ARHGAP15: variants seen among roughly 807,000 people sequenced by gnomAD.
ARHGAP15 encodes the protein Rho GTPase activating protein 15, also known as rho GTPase-activating protein 15.
Under a neutral mutation model 63.7 loss-of-function variants are expected in ARHGAP15, and 51 were observed. That is an observed-to-expected ratio of 0.80 (90% CI 0.64 to 1.01). The LOEUF (loss-of-function observed/expected upper bound fraction) is 1.01. ARHGAP15 is among the 50% of genes least tolerant of loss of function. The pLI, the probability that ARHGAP15 is intolerant of heterozygous loss-of-function variation, is 0.00. For missense variants in ARHGAP15, 560 were observed against 564.6 expected (o/e 0.99, Z 0.08); for synonymous variants, 191 against 193.8 (o/e 0.99, Z 0.12).
chr2:143,269,581 CA>C (rs1267634428), intron 6 of ARHGAP15, among the ~76,000 whole-genome samples: 25 of 152,114 alleles, frequency 1.6e-4, no homozygotes, highest in Non-Finnish European at 2.9e-5. Flanking sequence ...AGATGAAGCA[CA>C]AAATAATCCT....
At chr2:143,291,105 T>C (rs1050601277) in intron 6 of ARHGAP15, among the ~76,000 whole-genome samples, 1 of 152,116 alleles carries the variant, frequency 6.6e-6, no homozygotes, top group Admixed American at 6.6e-5. Context: ...AGAGAATTAT[T>C]GAGAGCAACA....
intron 12 of ARHGAP15, among the ~76,000 whole-genome samples, chr2:143,682,107 CT>C (rs1336442537): frequency 6.6e-6 from 1 of 152,144 alleles, no homozygotes; most frequent in Non-Finnish European, 1.5e-5. Flanking sequence ...GTAAGTTTGG[CT>C]AATTGTCATT....
At chr2:143,470,492 T>A (rs1480757315) in intron 8 of ARHGAP15, among the ~76,000 whole-genome samples, 1 of 150,864 alleles carries the variant, frequency 6.6e-6, no homozygotes, top group Admixed American at 6.6e-5. Flanking sequence ...AGTTTTCATT[T>A]TTCTAAAAAA....
chr2:143,271,171 GC>G (rs1339996926), intron 6 of ARHGAP15, among the ~76,000 whole-genome samples: 1 of 152,056 alleles, frequency 6.6e-6, no homozygotes, highest in African/African-American at 2.4e-5. Flanking sequence ...TTTTAATTCT[GC>G]TACTGTATGT....
chr2:143,496,349 A>G (rs1692815550), intron 9 of ARHGAP15, among the ~76,000 whole-genome samples: 1 of 152,226 alleles, frequency 6.6e-6, no homozygotes, highest in South Asian at 2.1e-4. Flanking sequence ...GTCTTGTGAG[A>G]TATTAAAAGC....
At chr2:143,205,090 C>T (rs1435294318) in intron 3 of ARHGAP15, among the ~76,000 whole-genome samples, 1 of 151,562 alleles carries the variant, frequency 6.6e-6, no homozygotes, top group African/African-American at 2.4e-5. Context: ...GGTAAAACCC[C>T]ATCTTTACTA....
chr2:143,700,526 G>A (rs1340563002), intron 12 of ARHGAP15, among the ~76,000 whole-genome samples: 4 of 152,082 alleles, frequency 2.6e-5, no homozygotes, highest in Admixed American at 6.5e-5. Flanking sequence ...AGTGAAATTA[G>A]AAAGGTCTCT....
intron 2 of ARHGAP15, among the ~76,000 whole-genome samples, chr2:143,182,290 G>T (rs908882628): frequency 3.3e-5 from 5 of 152,100 alleles, no homozygotes; most frequent in African/African-American, 9.7e-5. Flanking sequence ...GGCCATTGTA[G>T]GGTTATTCAT....
intron 1 of ARHGAP15, among the ~76,000 whole-genome samples, chr2:143,139,494 T>G (rs1423128107): frequency 6.6e-6 from 1 of 152,148 alleles, no homozygotes; most frequent in Non-Finnish European, 1.5e-5. Flanking sequence ...TAAATGTATT[T>G]TAAGGCTTTA....
chr2:143,730,648 A>G (rs764761951), intron 13 of ARHGAP15, among the ~76,000 whole-genome samples: 2 of 151,866 alleles, frequency 1.3e-5, no homozygotes, highest in Non-Finnish European at 2.9e-5. Flanking sequence ...CTGCCCTAAA[A>G]TTTTCTCATT....
At chr2:143,542,719 ATAAT>A (rs1018024993) in intron 10 of ARHGAP15, among the ~76,000 whole-genome samples, 1 of 125,496 alleles carries the variant, frequency 8.0e-6, no homozygotes, top group African/African-American at 3.0e-5. Context: ...TATGATATAT[ATAAT>A]ATCACATATA....
At chr2:143,738,108 T>TTTTTTTTTTTTTTTTTTTTTG (rs1553535485) in intron 13 of ARHGAP15, among the ~76,000 whole-genome samples, 1 of 151,486 alleles carries the variant, frequency 6.6e-6, no homozygotes, top group Admixed American at 6.6e-5. Context: ...ATATATTTTT[T>TTTTTTTTTTTTTTTTTTTTTG]AACTTGGGCT....
chr2:143,422,962 C>T lies in ARHGAP15; in HGVS notation c.475-12639C>T, dbSNP rs180883998. Among the ~76,000 whole-genome samples, 22 of 152,226 alleles carry T rather than the reference C, an allele frequency of 1.4e-4. No individual in the cohort carries two copies. The East Asian group carries it at 3.3e-3, about 23-fold the overall frequency. ...TCTCAACTCTCAAGGCCTGAGATCA[C>T]GTCAAGTCACTTTGGGTTATAGCAA... On this transcript the variant is annotated intron_variant, in intron 6 of 13. Transcript: ENST00000295095.
At chr2:143,709,732 G>A (rs1684491939) in intron 13 of ARHGAP15, among the ~76,000 whole-genome samples, 1 of 152,048 alleles carries the variant, frequency 6.6e-6, no homozygotes, top group Non-Finnish European at 1.5e-5. Flanking sequence ...AAGCATGTCA[G>A]AGGCAACTTA....
chr2:143,397,151 C>T (rs534812939), intron 6 of ARHGAP15, among the ~76,000 whole-genome samples: 273 of 152,158 alleles, frequency 1.8e-3, no homozygotes, highest in African/African-American at 6.3e-3. Context: ...AGATTCATGG[C>T]AAGAGAATAC....
At chr2:143,308,935 CAAA>C (rs35757623) in intron 6 of ARHGAP15, among the ~76,000 whole-genome samples, 39,484 of 107,004 alleles carry the variant, frequency 0.37, 5,293 homozygotes, top group African/African-American at 0.51. Context: ...TCCTGGCAGC[CAAA>C]AAAAAAAAAA....
chr2:143,165,009 A>G (rs771480856), intron 2 of ARHGAP15, among the ~76,000 whole-genome samples: 5 of 152,090 alleles, frequency 3.3e-5, no homozygotes, highest in Admixed American at 6.6e-5. Flanking sequence ...TGAAAATCAA[A>G]CGGAAATAAA....
intron 9 of ARHGAP15, among the ~76,000 whole-genome samples, chr2:143,505,223 C>A (rs1243606473): frequency 6.6e-6 from 1 of 152,164 alleles, no homozygotes; most frequent in African/African-American, 2.4e-5. Flanking sequence ...TCTGCCAATA[C>A]AGTAGGCAGA....
chr2:143,166,719 G>T (rs1320497257), intron 2 of ARHGAP15, among the ~76,000 whole-genome samples: 1 of 152,084 alleles, frequency 6.6e-6, no homozygotes, highest in South Asian at 2.1e-4. Context: ...TCTGTGTGTT[G>T]TATATCTCAA....
Sources: gnomAD v4.1 joint callset for allele counts (sites outside exome capture counted in the v4.1 genomes callset) on GRCh38, gnomAD v4.1.1 for gene constraint, MANE v1.5 for transcripts, NCBI Gene and HGNC (gene_info 2026-07-23, HGNC 2026-07-21) for gene names.